DPYSL5: variants seen among roughly 807,000 people sequenced by gnomAD.
DPYSL5 encodes dihydropyrimidinase-related protein 5.
Under a neutral mutation model 58.4 loss-of-function variants are expected in DPYSL5, and 9 were observed. The observed-to-expected ratio is 0.15, with a 90% CI of 0.09 to 0.27. The LOEUF (loss-of-function observed/expected upper bound fraction) is 0.27. DPYSL5 is among the 10% of genes least tolerant of loss of function. The pLI is 1.00. For synonymous variants in DPYSL5, 293 were observed against 301.9 expected, an observed-to-expected ratio of 0.97 and a Z score of 0.31; for missense variants, 499 against 770.6, an observed-to-expected ratio of 0.65 and a Z score of 4.17.
At chr2:26,880,787 C>T (rs1282102638) in intron 1 of DPYSL5, among the ~76,000 whole-genome samples, 1 of 152,226 alleles carries the variant, frequency 6.6e-6, no homozygotes, top group Non-Finnish European at 1.5e-5. Context: ...TAAATGCAAG[C>T]TGCTTTCTCA....
chr2:26,928,125 G>C, intron 4 of DPYSL5, 130 bp from the exon 5 acceptor site: 13 of 956,600 alleles, frequency 1.4e-5, no homozygotes, highest in Non-Finnish European at 2.1e-5. Context: ...GAACACTGCA[G>C]AAGTGAGAAA....
chr2:26,944,686 C>G lies in DPYSL5; in HGVS notation c.1471C>G (p.Pro491Ala). The G allele has an allele frequency of 6.2e-7, 1 of 1,614,124 alleles. No individual in the cohort carries two copies. The highest frequency in any genetic ancestry group is 8.5e-7 in the Non-Finnish European group (1 of 1,179,988). Reference protein sequence around the residue: ...TLKVRGVDRTPYLGDVAVVVH... With the variant: ...TLKVRGVDRTAYLGDVAVVVH... ...AAAGGTTAGAGGAGTGGACCGCACTCCCTACCTGGGGGATGTCGCTGTTGT... is the reference window on the plus strand; with the variant it reads ...AAAGGTTAGAGGAGTGGACCGCACTGCCTACCTGGGGGATGTCGCTGTTGT... The change falls in exon 12 of 13, where the codon CCC becomes GCC. Residue 491 changes from proline (P) to alanine (A), a missense_variant. Physicochemically the swap from Pro to Ala is conservative, Grantham distance 27. Coordinates refer to ENST00000288699, the MANE Select transcript of DPYSL5 (RefSeq NM_020134.4). This position sits in a 1 kb window ranked among gnomAD's most constrained non-coding sequence, Gnocchi z 4.4.
At chr2:26,859,575 C>T (rs920476932) in intron 1 of DPYSL5, among the ~76,000 whole-genome samples, 2 of 152,100 alleles carry the variant, frequency 1.3e-5, no homozygotes, top group Admixed American at 6.6e-5. Flanking sequence ...GTGTGAGCTA[C>T]TCAGTCATTA....
chr2:26,864,060 T>C (rs1572673850), intron 1 of DPYSL5, among the ~76,000 whole-genome samples: 1 of 152,006 alleles, frequency 6.6e-6, no homozygotes, highest in Admixed American at 6.6e-5. Context: ...CTGGACAACA[T>C]GACAAAACCC....
chr2:26,915,651 T>G (rs1312448370), intron 2 of DPYSL5, among the ~76,000 whole-genome samples: 1 of 152,188 alleles, frequency 6.6e-6, no homozygotes, highest in Non-Finnish European at 1.5e-5. Flanking sequence ...GCCTCTCTGG[T>G]TGACTCTGCG....
Position 26,905,719 on chromosome 2 carries a change from C to G in DPYSL5, c.261+6959C>G, listed in dbSNP as rs180693112. On this transcript the variant is annotated intron_variant, in intron 2 of 12. Coordinates refer to ENST00000288699, the MANE Select transcript of DPYSL5 (RefSeq NM_020134.4). This position sits in a 1 kb window ranked among gnomAD's most constrained non-coding sequence, Gnocchi z 4.0. Reference sequence around the variant, plus strand: ...GAAGTGACTTCCCCTCCCCTGCCACCTGGAGGACATCCCTCTACCCCCTCC... The same window carrying G: ...GAAGTGACTTCCCCTCCCCTGCCACGTGGAGGACATCCCTCTACCCCCTCC... Among the ~76,000 whole-genome samples the G allele has an allele frequency of 1.3e-5, 2 of 152,328 alleles. No homozygotes were observed. The highest frequency in any genetic ancestry group is 2.9e-5 in the Non-Finnish European group (2 of 68,032).
intron 8 of DPYSL5, among the ~76,000 whole-genome samples, chr2:26,935,275 C>T (rs1424697658): frequency 6.6e-6 from 1 of 152,162 alleles, no homozygotes; most frequent in Non-Finnish European, 1.5e-5. Flanking sequence ...GCTTTTTCCC[C>T]ATGCAATCCC....
intron 1 of DPYSL5, among the ~76,000 whole-genome samples, chr2:26,888,709 A>G (rs1663793323): frequency 6.6e-6 from 1 of 152,218 alleles, no homozygotes; most frequent in Admixed American, 6.5e-5. Context: ...TTGGCGAAAC[A>G]TATGGGCATA....
chr2:26,856,127 C>T (rs1373897746), intron 1 of DPYSL5, among the ~76,000 whole-genome samples: 1 of 152,028 alleles, frequency 6.6e-6, no homozygotes, highest in African/African-American at 2.4e-5. Flanking sequence ...AGTGTACAAA[C>T]CATAAGTGTA....
intron 9 of DPYSL5, 27 bp from the exon 10 acceptor site, chr2:26,941,923 G>A: frequency 6.2e-7 from 1 of 1,613,742 alleles, no homozygotes; most frequent in South Asian, 1.1e-5. Flanking sequence ...GAGCCTGGTT[G>A]ACTTGACACT....
chr2:26,910,062 A>G (rs1177162086), intron 2 of DPYSL5, among the ~76,000 whole-genome samples: 1 of 152,186 alleles, frequency 6.6e-6, no homozygotes, highest in Admixed American at 6.5e-5. Context: ...TTATGTCACT[A>G]TAGATTAGTT....
Position 26,942,831 on chromosome 2 carries a change from G to A in DPYSL5, c.1440+81G>A. The A allele has an allele frequency of 6.7e-7, 1 of 1,501,116 alleles. No individual in the cohort carries two copies. Among genetic ancestry groups the A allele is most frequent in the Non-Finnish European group, 9.1e-7 (1 of 1,094,614 alleles). The allele number at this position is 1,501,116 out of a possible 1,614,324, so 93.0% of individuals were successfully genotyped here. On this transcript the variant is annotated intron_variant, in intron 11 of 12. Coordinates refer to ENST00000288699, the MANE Select transcript of DPYSL5 (RefSeq NM_020134.4). The surrounding 1 kb of genome is among the most constrained non-coding windows in gnomAD (Gnocchi z 5.9). ...CTCCATGACTGTTTTAAATCTCAAA[G>A]AGATGTTCACTCCAGTTTTCGACCC...
chr2:26,904,651 C>T (rs551856873), intron 2 of DPYSL5, among the ~76,000 whole-genome samples: 1 of 152,248 alleles, frequency 6.6e-6, no homozygotes, highest in African/African-American at 2.4e-5. Flanking sequence ...GCCACTAATC[C>T]CAGCACTTTG....
At position 26,901,482 on chromosome 2, in the gene DPYSL5, T is replaced by A. The variant is rs143019943; in HGVS notation, c.261+2722T>A. Among the ~76,000 whole-genome samples the A allele has an allele frequency of 2.1e-3, 324 of 151,816 alleles. 1 individual carries two copies. The highest frequency in any genetic ancestry group is 7.6e-3 in the African/African-American group (314 of 41,388). ...GTTTCTGAAAATCTCCCGCGGAGAG[T>A]AAATGCTCTCCTACTGAAACGCTGA... On this transcript the variant is annotated intron_variant, in intron 2 of 12. Transcript: ENST00000288699.
At chr2:26,926,331 G>A (rs2148159577) in intron 3 of DPYSL5, among the ~76,000 whole-genome samples, 1 of 152,232 alleles carries the variant, frequency 6.6e-6, no homozygotes, top group Non-Finnish European at 1.5e-5. Flanking sequence ...CTGGGTGAGA[G>A]GCCTCTACCT....
At chr2:26,885,730 A>G (rs986684036) in intron 1 of DPYSL5, among the ~76,000 whole-genome samples, 6 of 152,200 alleles carry the variant, frequency 3.9e-5, no homozygotes, top group African/African-American at 1.4e-4. Flanking sequence ...TGCCAGTCCC[A>G]GGCCATTCAG....
At chr2:26,928,431 C>A in intron 5 of DPYSL5, 108 bp downstream of exon 5, 1 of 1,246,100 alleles carries the variant, frequency 8.0e-7, no homozygotes, top group Non-Finnish European at 1.1e-6. Flanking sequence ...CACAAGGGCT[C>A]ATGTCTGTAA....
chr2:26,916,379 G>A (rs963886114), intron 2 of DPYSL5, among the ~76,000 whole-genome samples: 2 of 152,066 alleles, frequency 1.3e-5, no homozygotes, highest in African/African-American at 2.4e-5. Flanking sequence ...CAGCTCCCCC[G>A]ACAGCCTCCC....
chr2:26,887,921 C>T (rs1218033748), intron 1 of DPYSL5, among the ~76,000 whole-genome samples: 1 of 152,210 alleles, frequency 6.6e-6, no homozygotes, highest in African/African-American at 2.4e-5. Context: ...CTGTGTATAA[C>T]TGGATAAATC....
Sources: allele counts gnomAD v4.1 joint callset (sites outside exome capture counted in the v4.1 genomes callset), GRCh38; gene constraint gnomAD v4.1.1; non-coding constraint Gnocchi (gnomAD v3.1); transcripts MANE v1.5; gene names NCBI Gene and HGNC (gene_info 2026-07-23, HGNC 2026-07-21).